GRAMD1B: variants seen among roughly 807,000 people sequenced by gnomAD.
The protein encoded by GRAMD1B is protein Aster-B.
GRAMD1B carries 37 observed loss-of-function variants against 99.7 expected under a neutral mutation model. That is an observed-to-expected ratio of 0.37 (90% confidence interval 0.29 to 0.49). The LOEUF is 0.49. Among genes scored for constraint, GRAMD1B ranks in the 20% least tolerant of loss-of-function variants. The probability of loss-of-function intolerance (pLI) is 0.98; values close to 1 mark genes in which losing one functional copy is unlikely to be tolerated. For missense variants in GRAMD1B, 888 were observed against 1,009.2 expected (o/e 0.88, Z 1.63); for synonymous variants, 427 against 387.6 (o/e 1.10, Z -1.19).
At chr11:123,474,000 AAT>A (rs1951139186) in intron 1 of GRAMD1B, among the ~76,000 whole-genome samples, 1 of 152,184 alleles carries the variant, frequency 6.6e-6, no homozygotes, top group Non-Finnish European at 1.5e-5. Context: ...ATGTAGAAAT[AAT>A]TTAGCATGAA....
In GRAMD1B at chr11:123,432,434, G is replaced by A. The variant is rs1173209680; in HGVS notation, c.374+1268G>A. ...TAGCTGGGTGTAGTGGCAGGCTCCT[G>A]TAATCCCAACTACTTGGGAGGCTGA... On this transcript the variant is annotated intron_variant, in intron 1 of 19. Coordinates refer to ENST00000635736, the MANE Select transcript of GRAMD1B (RefSeq NM_001387025.1). Among the ~76,000 whole-genome samples, 4 of 151,976 alleles carry A rather than the reference G, an allele frequency of 2.6e-5. No individual in the cohort carries two copies. In the East Asian group the frequency reaches 7.7e-4, roughly 29 times the overall value.
intron 2 of GRAMD1B, among the ~76,000 whole-genome samples, chr11:123,522,845 CT>C (rs1942330337): frequency 6.6e-6 from 1 of 152,206 alleles, no homozygotes; most frequent in Non-Finnish European, 1.5e-5. Flanking sequence ...GATTTAGTCT[CT>C]TTTTTAACTG....
intron 2 of GRAMD1B, among the ~76,000 whole-genome samples, chr11:123,523,209 G>A (rs1942366939): frequency 6.6e-6 from 1 of 152,168 alleles, no homozygotes; most frequent in Non-Finnish European, 1.5e-5. Flanking sequence ...GTGCGTGCCT[G>A]TAATCCCAGC....
chr11:123,553,302 G>A (rs944022121), intron 2 of GRAMD1B, among the ~76,000 whole-genome samples: 15 of 152,222 alleles, frequency 9.9e-5, no homozygotes, highest in African/African-American at 3.4e-4. Context: ...AAAGAAAATT[G>A]GAAAAGAGAA....
chr11:123,366,131 A>G (rs1005531321), intron 1 of GRAMD1B, among the ~76,000 whole-genome samples: 2 of 152,280 alleles, frequency 1.3e-5, no homozygotes, highest in Middle Eastern at 3.4e-3. Context: ...AGAAAATGCT[A>G]ATTTCTGGTC....
chr11:123,614,629 G>A, intron 16 of GRAMD1B, 116 bp from the exon 17 acceptor site: 3 of 612,324 alleles, frequency 4.9e-6, no homozygotes, highest in African/African-American at 3.6e-5. Flanking sequence ...TGCTGTCACA[G>A]TGTCATGGAC....
chr11:123,432,199 G>T, intron 1 of GRAMD1B: 1 of 394,768 alleles, frequency 2.5e-6, no homozygotes, highest in South Asian at 1.3e-4. Flanking sequence ...AGGAGGGTGT[G>T]GGGGAAGGAT....
chr11:123,393,581 C>T (rs1406690847), intron 1 of GRAMD1B, among the ~76,000 whole-genome samples: 1 of 152,228 alleles, frequency 6.6e-6, no homozygotes, highest in Non-Finnish European at 1.5e-5. Flanking sequence ...TCACCGCGTG[C>T]ATCTTTCCTT....
intron 1 of GRAMD1B, among the ~76,000 whole-genome samples, chr11:123,382,207 T>C (rs1946901558): frequency 6.6e-6 from 1 of 152,126 alleles, no homozygotes; most frequent in Admixed American, 6.5e-5. Context: ...AAATTAATAT[T>C]TTAAATTAGG....
At chr11:123,498,051 CT>C (rs1939497309) in intron 2 of GRAMD1B, among the ~76,000 whole-genome samples, 3 of 152,170 alleles carry the variant, frequency 2.0e-5, no homozygotes, top group Non-Finnish European at 2.9e-5. Context: ...CAGGCCACTG[CT>C]GATGTTCACT....
intron 2 of GRAMD1B, among the ~76,000 whole-genome samples, chr11:123,501,078 A>G (rs1167399996): frequency 2.6e-5 from 4 of 152,218 alleles, no homozygotes; most frequent in Non-Finnish European, 5.9e-5. Flanking sequence ...CTCATCTTCT[A>G]GATGAGGCTT....
intron 1 of GRAMD1B, among the ~76,000 whole-genome samples, chr11:123,401,115 T>C (rs1230974841): frequency 6.6e-6 from 1 of 152,196 alleles, no homozygotes; most frequent in Non-Finnish European, 1.5e-5. Flanking sequence ...TTCCACTTTC[T>C]AGATGAAGAG....
chr11:123,446,810 G>T (rs890687350), intron 1 of GRAMD1B, among the ~76,000 whole-genome samples: 11 of 151,874 alleles, frequency 7.2e-5, no homozygotes, highest in African/African-American at 2.7e-4. Context: ...CGGTGTGTGC[G>T]TGTAGTCCCA....
chr11:123,562,236 T>C (rs1946854309), intron 2 of GRAMD1B, among the ~76,000 whole-genome samples: 1 of 152,148 alleles, frequency 6.6e-6, no homozygotes, highest in Non-Finnish European at 1.5e-5. Flanking sequence ...CCACACCCCC[T>C]CCCTGCTTCT....
At chr11:123,520,584 A>C (rs1942103697) in intron 2 of GRAMD1B, among the ~76,000 whole-genome samples, 1 of 152,038 alleles carries the variant, frequency 6.6e-6, no homozygotes, top group Non-Finnish European at 1.5e-5. Flanking sequence ...CAGCCTGGGC[A>C]ACACAGCGAA....
intron 1 of GRAMD1B, among the ~76,000 whole-genome samples, chr11:123,372,902 G>C (rs567513948): frequency 6.6e-6 from 1 of 152,142 alleles, no homozygotes; most frequent in African/African-American, 2.4e-5. Context: ...CACTTTGGAA[G>C]GCTGAGTTGG....
chr11:123,447,272 C>T (rs186964408), intron 1 of GRAMD1B, among the ~76,000 whole-genome samples: 1 of 152,290 alleles, frequency 6.6e-6, no homozygotes, highest in Non-Finnish European at 1.5e-5. Context: ...ATCCAGTCAT[C>T]CTGGTAGATG....
chr11:123,447,535 C>T (rs1290300574), intron 1 of GRAMD1B, among the ~76,000 whole-genome samples: 2 of 152,210 alleles, frequency 1.3e-5, no homozygotes, highest in African/African-American at 4.8e-5. Flanking sequence ...ACTGCCCCAG[C>T]ACCAGTCCTA....
chr11:123,584,798 A>G lies in GRAMD1B; in HGVS notation c.684+466A>G, dbSNP rs150811093. 5.3e-3 allele frequency among the ~76,000 whole-genome samples: 813 copies of G among 152,258 alleles called. 4 individuals are homozygous for G. The highest frequency in any genetic ancestry group is 0.018 in the African/African-American group (751 of 41,526). Reference sequence around the variant, plus strand: ...GACCCCTGTCCCAAGTACCCCTTCAACAGCTGCAAAAGCGTGCCCTTCCTA... The same window carrying G: ...GACCCCTGTCCCAAGTACCCCTTCAGCAGCTGCAAAAGCGTGCCCTTCCTA... On this transcript the variant is annotated intron_variant, in intron 4 of 19. Transcript: ENST00000635736.
Sources: gnomAD v4.1 joint callset for allele counts (sites outside exome capture counted in the v4.1 genomes callset) on GRCh38, gnomAD v4.1.1 for gene constraint, MANE v1.5 for transcripts, NCBI Gene and HGNC (gene_info 2026-07-23, HGNC 2026-07-21) for gene names.